Variants in CDK19 observed in about 807,000 individuals in gnomAD.
CDK19 encodes cyclin dependent kinase 19.
Under a neutral mutation model 68.3 loss-of-function variants are expected in CDK19, and 20 were observed. That is an observed-to-expected ratio of 0.29 (90% CI 0.21 to 0.43). The LOEUF (loss-of-function observed/expected upper bound fraction) is 0.43, where lower values mean the gene tolerates loss of function less well. Ranked by LOEUF, CDK19 falls within the 20% of genes least tolerant of loss-of-function variation. The pLI, the probability that CDK19 is intolerant of heterozygous loss-of-function variation, is 1.00. For synonymous variants in CDK19, 221 were observed against 222.8 expected (o/e 0.99, Z 0.07); for missense variants, 339 against 623.5 (o/e 0.54, Z 4.86).
chr6:110,688,014 T>G (rs893584840), intron 2 of CDK19, among the ~76,000 whole-genome samples: 7 of 152,190 alleles, frequency 4.6e-5, no homozygotes, highest in African/African-American at 1.7e-4. Flanking sequence ...TGAAATGTTC[T>G]CCAGTGTAAG....
At chr6:110,748,263 A>G (rs1179452463) in intron 1 of CDK19, among the ~76,000 whole-genome samples, 1 of 152,202 alleles carries the variant, frequency 6.6e-6, no homozygotes, top group Admixed American at 6.5e-5. Flanking sequence ...AAAAAGTGCA[A>G]AATTAACACA....
intron 4 of CDK19, chr6:110,646,197 C>A: frequency 7.4e-7 from 1 of 1,346,788 alleles, no homozygotes; most frequent in Non-Finnish European, 1.0e-6. Context: ...CCTCCGCATC[C>A]TCAGCAACTC....
chr6:110,671,785 C>CT (rs909580401), intron 2 of CDK19, among the ~76,000 whole-genome samples: 24 of 147,096 alleles, frequency 1.6e-4, no homozygotes, highest in African/African-American at 2.7e-4. Flanking sequence ...ACTTTAGTAA[C>CT]TTTTTTTTTT....
intron 9 of CDK19, 65 bp downstream of exon 9, chr6:110,623,225 C>G: frequency 7.7e-7 from 1 of 1,305,898 alleles, no homozygotes; most frequent in South Asian, 1.2e-5. Flanking sequence ...GGAGGAATAG[C>G]TGAGTAAATA....
intron 2 of CDK19, among the ~76,000 whole-genome samples, chr6:110,738,908 G>A (rs1017684988): frequency 3.3e-5 from 5 of 152,200 alleles, no homozygotes; most frequent in African/African-American, 1.2e-4. Flanking sequence ...CTGCCTGCTG[G>A]GCACTATGTG....
chr6:110,675,347 G>C (rs1401718557), intron 2 of CDK19, among the ~76,000 whole-genome samples: 1 of 152,128 alleles, frequency 6.6e-6, no homozygotes, highest in African/African-American at 2.4e-5. Context: ...ATGCTAAATG[G>C]CCGGGTACAG....
In CDK19 at chr6:110,770,092, T is replaced by C. The variant is rs1172256148; in HGVS notation, c.129-23891A>G. On this transcript the variant is annotated intron_variant, in intron 1 of 12. Transcript: ENST00000368911. ...AGTTAAAAAAAATAGCTTCTCTGAA[T>C]AGGAGGAAGTGAAAGAATAGTGAAA... Among the ~76,000 whole-genome samples the C allele has an allele frequency of 2.0e-5, 3 of 152,260 alleles. No individual in the cohort carries two copies. The East Asian group carries it at 5.8e-4, about 29-fold the overall frequency.
At chr6:110,750,945 C>A (rs1277601934) in intron 1 of CDK19, among the ~76,000 whole-genome samples, 1 of 152,194 alleles carries the variant, frequency 6.6e-6, no homozygotes, top group Non-Finnish European at 1.5e-5. Flanking sequence ...AAGCAATTCT[C>A]CTGCCTCAGC....
At chr6:110,644,278 C>T (rs1478666850) in intron 4 of CDK19, among the ~76,000 whole-genome samples, 4 of 145,908 alleles carry the variant, frequency 2.7e-5, no homozygotes, top group Non-Finnish European at 3.0e-5. Flanking sequence ...GGTGACAGAG[C>T]GAGACTTCAT....
intron 2 of CDK19, among the ~76,000 whole-genome samples, chr6:110,695,214 A>G (rs749812896): frequency 1.3e-5 from 2 of 152,190 alleles, no homozygotes; most frequent in South Asian, 4.1e-4. Context: ...CCTCAAAACT[A>G]TACAAATACA....
At chr6:110,652,265 G>T (rs1278385452) in intron 4 of CDK19, among the ~76,000 whole-genome samples, 1 of 152,120 alleles carries the variant, frequency 6.6e-6, no homozygotes, top group Non-Finnish European at 1.5e-5. Context: ...TAGCCATCAG[G>T]TGCAACATAA....
chr6:110,638,566 C>A, intron 5 of CDK19, 83 bp downstream of exon 5: 1 of 734,826 alleles, frequency 1.4e-6, no homozygotes, highest in South Asian at 1.6e-5. Context: ...AATTAACTAC[C>A]TAAATAAGGG....
intron 2 of CDK19, among the ~76,000 whole-genome samples, chr6:110,702,730 A>G (rs535931620): frequency 1.1e-4 from 16 of 152,352 alleles, no homozygotes; most frequent in African/African-American, 3.8e-4. Flanking sequence ...ATTAAGTGAT[A>G]AAGATGGAAA....
intron 2 of CDK19, among the ~76,000 whole-genome samples, chr6:110,678,265 G>A (rs1180315783): frequency 6.6e-6 from 1 of 151,930 alleles, no homozygotes; most frequent in Non-Finnish European, 1.5e-5. Context: ...TCACCCATAT[G>A]CATTAACTCC....
At chr6:110,616,868 G>A (rs1014809525) in intron 12 of CDK19, among the ~76,000 whole-genome samples, 1 of 152,162 alleles carries the variant, frequency 6.6e-6, no homozygotes, top group African/African-American at 2.4e-5. Context: ...AAACATGTAA[G>A]AATCTAATGT....
At chr6:110,668,758 G>C (rs2114429894) in intron 3 of CDK19, among the ~76,000 whole-genome samples, 1 of 151,732 alleles carries the variant, frequency 6.6e-6, no homozygotes, top group Non-Finnish European at 1.5e-5. Context: ...CTTGAACCCA[G>C]AAGGCGGAGG....
intron 4 of CDK19, among the ~76,000 whole-genome samples, chr6:110,639,705 G>A (rs1350186332): frequency 6.6e-6 from 1 of 152,118 alleles, no homozygotes; most frequent in East Asian, 1.9e-4. Context: ...ATGTTTCAAT[G>A]AAAACAAAAA....
chr6:110,652,553 A>C (rs1781038879), intron 4 of CDK19, among the ~76,000 whole-genome samples: 1 of 152,232 alleles, frequency 6.6e-6, no homozygotes, highest in Non-Finnish European at 1.5e-5. Context: ...TTAAAAATAA[A>C]GATAGTAAGA....
intron 4 of CDK19, among the ~76,000 whole-genome samples, chr6:110,642,635 C>G (rs1253784926): frequency 6.6e-6 from 1 of 152,184 alleles, no homozygotes; most frequent in Non-Finnish European, 1.5e-5. Context: ...GAGGGACCCT[C>G]CCCTTAACAG....
Sources: allele counts gnomAD v4.1 joint callset (sites outside exome capture counted in the v4.1 genomes callset), GRCh38; gene constraint gnomAD v4.1.1; transcripts MANE v1.5; gene names NCBI Gene and HGNC (gene_info 2026-07-23, HGNC 2026-07-21).